The following C2orf76 variants were observed in gnomAD, a reference collection of about 807,000 sequenced individuals.
C2orf76 encodes the protein UPF0538 protein C2orf76.
In C2orf76, 23 loss-of-function variants were observed where a neutral mutation model predicts 16.9. That is an observed-to-expected ratio of 1.36 (90% CI 0.98 to 1.93). C2orf76 has a LOEUF of 1.93. Among genes scored for constraint, C2orf76 ranks in the 30% most tolerant of loss-of-function variants. The probability of loss-of-function intolerance (pLI) is 0.00; values close to 1 mark genes in which losing one functional copy is unlikely to be tolerated. For missense variants in C2orf76, 152 were observed against 152.6 expected, an observed-to-expected ratio of 1.00 and a Z score of 0.02; for synonymous variants, 48 against 52.3, an observed-to-expected ratio of 0.92 and a Z score of 0.35.
At chr2:119,297,191 A>T in the C2orf76 span, among the ~76,000 whole-genome samples, 11 of 152,292 alleles carry the variant, frequency 7.2e-5, no homozygotes, top group Admixed American at 6.5e-4. Flanking sequence ...TATCTCCTCC[A>T]TCTCACAGAT....
chr2:119,358,342 C>T (rs1680636359), intron 1 of C2orf76, among the ~76,000 whole-genome samples: 1 of 152,026 alleles, frequency 6.6e-6, no homozygotes, highest in Admixed American at 6.6e-5. Flanking sequence ...TTTGGGAGGC[C>T]TAGGTGGGTG....
rs59581840 is a variant in C2orf76, at chr2:119,325,457, CAAAAAAA to C, written c.134-4260_134-4254del. Among the ~76,000 whole-genome samples, 476 of 59,786 alleles carry C rather than the reference CAAAAAAA, an allele frequency of 8.0e-3. 3 individuals are homozygous for C. The highest frequency in any genetic ancestry group is 0.029 in the African/African-American group (454 of 15,900). The allele number at this position is 59,786 out of a possible 152,430, so 39.2% of individuals were successfully genotyped here. A position where few individuals can be genotyped will look rare whatever the true frequency, so the allele number is the denominator to read the frequency against. ...CCTGGGCGACAGAGCAAGACTGTCT[CAAAAAAA>C]AAAAAAAAAAAAAAAAGACATGATG... On this transcript the variant is annotated intron_variant, in intron 2 of 5. Transcript: ENST00000334816.
chr2:119,356,428 A>T (rs1273984667), intron 1 of C2orf76, among the ~76,000 whole-genome samples: 3 of 151,462 alleles, frequency 2.0e-5, no homozygotes, highest in African/African-American at 7.3e-5. Context: ...CTAAAAATAC[A>T]CTGAACTGAA....
At chr2:119,299,898 G>A (rs770823391), downstream of C2orf76, among the ~76,000 whole-genome samples, 24 of 152,148 alleles carry the variant, frequency 1.6e-4, no homozygotes, top group Admixed American at 4.6e-4. Context: ...GATTACTGCT[G>A]CCATCATTAA....
intron 5 of C2orf76, 42 bp downstream of exon 5, chr2:119,311,580 G>C (rs755971263): frequency 1.3e-6 from 2 of 1,598,824 alleles, no homozygotes; most frequent in African/African-American, 2.7e-5. Flanking sequence ...AGGATAGGCC[G>C]GCAGAGGTCC....
chr2:119,312,624 G>A (rs1679031886), intron 4 of C2orf76, among the ~76,000 whole-genome samples: 1 of 152,184 alleles, frequency 6.6e-6, no homozygotes, highest in Non-Finnish European at 1.5e-5. Flanking sequence ...CTGGTTCCAT[G>A]TCACATTAAT....
rs751204448 is a variant in C2orf76 at position 119,302,441 on chromosome 2, G to C, written c.*31C>G. ...GCAGTGGAATAAAGAGCTTAATACA[G>C]GTATGCAAAAAGGAAGCCCTCGAGA... On this transcript the variant is annotated 3_prime_UTR_variant, in exon 6 of 6. Transcript: ENST00000334816. The C allele has an allele frequency of 1.1e-5, 10 of 891,702 alleles. No individual in the cohort carries two copies. Among genetic ancestry groups the C allele is most frequent in the Non-Finnish European group, 8.9e-6 (5 of 564,064 alleles). The allele number at this position is 891,702 out of a possible 1,614,324, so 55.2% of individuals were successfully genotyped here. A position where few individuals can be genotyped will look rare whatever the true frequency, so the allele number is the denominator to read the frequency against.
the C2orf76 span, among the ~76,000 whole-genome samples, chr2:119,287,518 G>GTT: frequency 2.6e-4 from 38 of 148,504 alleles, no homozygotes; most frequent in African/African-American, 3.7e-4. Flanking sequence ...CTAATAACAT[G>GTT]TTTTTTTTTT....
chr2:119,365,754 A>T (rs76410414), intron 1 of C2orf76, among the ~76,000 whole-genome samples: 2,391 of 152,204 alleles, frequency 0.016, 63 homozygotes, highest in African/African-American at 0.053. Context: ...ATCCTAAAAC[A>T]CTTCCAGACA....
chr2:119,308,182 T>A (rs191722463), intron 5 of C2orf76, among the ~76,000 whole-genome samples: 11 of 152,242 alleles, frequency 7.2e-5, no homozygotes, highest in African/African-American at 1.9e-4. Flanking sequence ...TGTAGAAAAA[T>A]TTTTAAATCA....
At chr2:119,289,458 T>C in the C2orf76 span, among the ~76,000 whole-genome samples, 2 of 151,834 alleles carry the variant, frequency 1.3e-5, 1 homozygote, top group East Asian at 3.9e-4. Context: ...GAGGCTGACG[T>C]GGGCAGATCA....
chr2:119,291,721 C>T, the C2orf76 span, among the ~76,000 whole-genome samples: 1 of 152,106 alleles, frequency 6.6e-6, no homozygotes, highest in Non-Finnish European at 1.5e-5. Context: ...CCTGGCTCCA[C>T]TGCCTAGCAC....
At chr2:119,355,021 G>A (rs1445970845) in intron 1 of C2orf76, among the ~76,000 whole-genome samples, 1 of 152,156 alleles carries the variant, frequency 6.6e-6, no homozygotes, top group Non-Finnish European at 1.5e-5. Flanking sequence ...CCTCAGACCT[G>A]CCATTATGAC....
In C2orf76 at chr2:119,339,898, A is replaced by C; in HGVS notation, c.62T>G (p.Phe21Cys). 6.2e-7 allele frequency: 1 copy of C among 1,613,404 alleles called. No homozygotes were observed. Residue 21 changes from phenylalanine to cysteine, a missense_variant, in exon 2 of 6, where the codon TTC (phenylalanine) becomes TGC (cysteine). Coordinates refer to ENST00000334816, the MANE Select transcript of C2orf76 (RefSeq NM_001322331.2). ...RLIRSFEHRN[F>C]KPVVYHGVNL... ...CACTCCGTGATACACTACAGGTTTG[A>C]AATTGCGATGTTCAAAGGAACGGAT...
the C2orf76 span, among the ~76,000 whole-genome samples, chr2:119,291,035 CA>C: frequency 6.6e-6 from 1 of 151,888 alleles, no homozygotes; most frequent in Non-Finnish European, 1.5e-5. Context: ...CATCAGTTCC[CA>C]GGCCCAGACA....
intron 1 of C2orf76, among the ~76,000 whole-genome samples, chr2:119,362,142 C>T (rs1046546905): frequency 6.6e-6 from 1 of 152,224 alleles, no homozygotes; most frequent in Non-Finnish European, 1.5e-5. Context: ...CTTCCACTTA[C>T]TGAACAGTAA....
chr2:119,321,927 G>C (rs977072423), intron 2 of C2orf76, among the ~76,000 whole-genome samples: 1 of 151,804 alleles, frequency 6.6e-6, no homozygotes, highest in Non-Finnish European at 1.5e-5. Context: ...TTGGCCATTA[G>C]TGGAAACCAA....
chr2:119,350,254 A>G (rs1680355214), intron 1 of C2orf76, among the ~76,000 whole-genome samples: 1 of 152,082 alleles, frequency 6.6e-6, no homozygotes, highest in South Asian at 2.1e-4. Flanking sequence ...TATTAATTAT[A>G]TATTTATAAT....
At chr2:119,348,556 C>T (rs574019717) in intron 1 of C2orf76, among the ~76,000 whole-genome samples, 83 of 151,972 alleles carry the variant, frequency 5.5e-4, no homozygotes, top group African/African-American at 1.9e-3. Context: ...CGTGGTGGTG[C>T]GCGCCTGTAA....
Sources: allele counts gnomAD v4.1 joint callset (sites outside exome capture counted in the v4.1 genomes callset), GRCh38; gene constraint gnomAD v4.1.1; transcripts MANE v1.5; gene names NCBI Gene and HGNC (gene_info 2026-07-23, HGNC 2026-07-21).